Variants in CSMD1 observed in about 807,000 individuals in gnomAD.
CSMD1 encodes CUB and sushi domain-containing protein 1.
CSMD1 carries 213 observed loss-of-function variants against 417.5 expected under a neutral mutation model. The observed-to-expected ratio is 0.51, with a 90% CI of 0.46 to 0.57. CSMD1 has a LOEUF of 0.57. Ranked by LOEUF, CSMD1 falls within the 20% of genes least tolerant of loss-of-function variation. The pLI, the probability that CSMD1 is intolerant of heterozygous loss-of-function variation, is 0.00. For missense variants in CSMD1, 6,923 were observed against 4,529.7 expected (o/e 1.53, Z -15.17); for synonymous variants, 2,862 against 1,736.8 (o/e 1.65, Z -16.11).
intron 57 of CSMD1, among the ~76,000 whole-genome samples, chr8:2,971,097 T>A (rs1245738501): frequency 6.6e-6 from 1 of 152,188 alleles, no homozygotes; most frequent in Non-Finnish European, 1.5e-5. Context: ...ACAAAGGCAT[T>A]CTCTTACATA....
At chr8:4,402,150 G>A (rs1161368880) in intron 3 of CSMD1, among the ~76,000 whole-genome samples, 2 of 152,076 alleles carry the variant, frequency 1.3e-5, no homozygotes, top group African/African-American at 4.8e-5. Context: ...TATGGTCAGA[G>A]ACCAGCCCTA....
chr8:3,307,252 G>A (rs78565374), intron 25 of CSMD1, among the ~76,000 whole-genome samples: 1,800 of 152,034 alleles, frequency 0.012, 34 homozygotes, highest in African/African-American at 0.04. Context: ...CCCTCCCACC[G>A]TGACTAGCCT....
intron 3 of CSMD1, among the ~76,000 whole-genome samples, chr8:4,218,208 T>A (rs765172504): frequency 2.0e-5 from 3 of 152,298 alleles, no homozygotes; most frequent in Non-Finnish European, 4.4e-5. Flanking sequence ...TGTTGGCACT[T>A]TGCTCATTTC....
intron 10 of CSMD1, among the ~76,000 whole-genome samples, chr8:3,543,322 G>A (rs956088752): frequency 3.3e-5 from 5 of 152,166 alleles, no homozygotes; most frequent in Admixed American, 3.3e-4. Flanking sequence ...TAGGGAGTGA[G>A]GTGAAAAGTC....
chr8:4,605,015 C>G (rs1257710534), intron 2 of CSMD1, among the ~76,000 whole-genome samples: 1 of 152,138 alleles, frequency 6.6e-6, no homozygotes, highest in Non-Finnish European at 1.5e-5. Flanking sequence ...AACATTAAAG[C>G]AACAACCCCC....
chr8:4,272,145 A>C (rs957378501), intron 3 of CSMD1, among the ~76,000 whole-genome samples: 2 of 152,162 alleles, frequency 1.3e-5, no homozygotes, highest in Non-Finnish European at 2.9e-5. Context: ...ATGGAGTCTT[A>C]CTAGATTAAT....
chr8:4,766,228 A>G (rs1176727042), intron 1 of CSMD1, among the ~76,000 whole-genome samples: 1 of 152,204 alleles, frequency 6.6e-6, no homozygotes, highest in Non-Finnish European at 1.5e-5. Flanking sequence ...GTGCGTTGGC[A>G]ACAAGTGGAA....
chr8:3,774,733 GT>G (rs377078987), intron 5 of CSMD1, among the ~76,000 whole-genome samples: 84 of 152,194 alleles, frequency 5.5e-4, no homozygotes, highest in African/African-American at 1.1e-3. Context: ...TCAAATTTTG[GT>G]GAAAGGATTT....
At chr8:4,427,359 G>C (rs932398938) in intron 2 of CSMD1, among the ~76,000 whole-genome samples, 2 of 152,140 alleles carry the variant, frequency 1.3e-5, no homozygotes, top group African/African-American at 2.4e-5. Context: ...GGACACGGCA[G>C]AGGGTGATCT....
intron 11 of CSMD1, among the ~76,000 whole-genome samples, chr8:3,484,274 A>G (rs953443123): frequency 2.0e-5 from 3 of 152,204 alleles, no homozygotes; most frequent in Non-Finnish European, 4.4e-5. Flanking sequence ...TCAGAAATAG[A>G]CCCACACAAA....
At chr8:4,074,735 G>A (rs1331876804) in intron 3 of CSMD1, among the ~76,000 whole-genome samples, 4 of 151,644 alleles carry the variant, frequency 2.6e-5, no homozygotes, top group Admixed American at 1.3e-4. Context: ...CATTGATTTA[G>A]GAAAAAGAAA....
intron 5 of CSMD1, among the ~76,000 whole-genome samples, chr8:3,758,219 T>C (rs1427409223): frequency 6.6e-6 from 1 of 152,140 alleles, no homozygotes; most frequent in Non-Finnish European, 1.5e-5. Context: ...CCCCATCATC[T>C]TCCCAGAGTG....
intron 23 of CSMD1, among the ~76,000 whole-genome samples, chr8:3,330,015 G>A (rs753287164): frequency 6.6e-6 from 1 of 152,196 alleles, no homozygotes; most frequent in Admixed American, 6.5e-5. Flanking sequence ...GATGTTTTGT[G>A]TGGAGGAATG....
chr8:4,578,892 T>C (rs1318773923), intron 2 of CSMD1, among the ~76,000 whole-genome samples: 1 of 150,886 alleles, frequency 6.6e-6, no homozygotes, highest in Non-Finnish European at 1.5e-5. Context: ...TAGATCATTA[T>C]TTTGAAATCA....
At chr8:3,860,257 A>G (rs988955523) in intron 5 of CSMD1, among the ~76,000 whole-genome samples, 1 of 152,124 alleles carries the variant, frequency 6.6e-6, no homozygotes, top group Non-Finnish European at 1.5e-5. Context: ...CAGTCAGACC[A>G]TTGTGAAGTT....
At chr8:4,202,300 A>T (rs999657357) in intron 3 of CSMD1, among the ~76,000 whole-genome samples, 1 of 152,144 alleles carries the variant, frequency 6.6e-6, no homozygotes, top group East Asian at 1.9e-4. Flanking sequence ...AAAATGAAGC[A>T]TCTGCCTATT....
chr8:4,855,579 G>A (rs1201546251), intron 1 of CSMD1, among the ~76,000 whole-genome samples: 6 of 152,170 alleles, frequency 3.9e-5, no homozygotes, highest in African/African-American at 1.4e-4. Context: ...AGGAGCTGAT[G>A]GAGCTGAAAA....
chr8:3,602,413 A>G (rs76047108), intron 8 of CSMD1, among the ~76,000 whole-genome samples: 3,217 of 152,290 alleles, frequency 0.021, 126 homozygotes, highest in African/African-American at 0.074. Flanking sequence ...TTTTAAAGGA[A>G]TTAGAAAAAT....
chr8:3,744,275 T>C (rs917922838), intron 6 of CSMD1, among the ~76,000 whole-genome samples: 4 of 152,026 alleles, frequency 2.6e-5, no homozygotes, highest in Non-Finnish European at 5.9e-5. Flanking sequence ...GATCAAAAGA[T>C]GAGTTTGAAA....
Sources: gnomAD v4.1 joint callset for allele counts (sites outside exome capture counted in the v4.1 genomes callset) on GRCh38, gnomAD v4.1.1 for gene constraint, MANE v1.5 for transcripts, NCBI Gene and HGNC (gene_info 2026-07-23, HGNC 2026-07-21) for gene names.